The following ATP6V1H variants were observed in gnomAD, a reference collection of about 807,000 sequenced individuals.
ATP6V1H encodes the protein ATPase H+ transporting V1 subunit H, also known as V-type proton ATPase subunit H.
A neutral mutation model predicts 71.7 loss-of-function variants in ATP6V1H; 39 were observed. That is an observed-to-expected ratio of 0.54 (90% CI 0.42 to 0.71). The LOEUF (loss-of-function observed/expected upper bound fraction) is 0.71, where lower values mean the gene tolerates loss of function less well. Ranked by LOEUF, ATP6V1H falls within the 30% of genes least tolerant of loss-of-function variation. The probability of loss-of-function intolerance (pLI) is 0.00; values close to 1 mark genes in which losing one functional copy is unlikely to be tolerated. For synonymous variants in ATP6V1H, 192 were observed against 199.3 expected (o/e 0.96, Z 0.31); for missense variants, 509 against 594.9 (o/e 0.86, Z 1.50).
At chr8:53,781,500 C>G (rs1033506780) in intron 9 of ATP6V1H, among the ~76,000 whole-genome samples, 4 of 152,168 alleles carry the variant, frequency 2.6e-5, no homozygotes, top group African/African-American at 9.7e-5. Context: ...TGCCTGTTCA[C>G]TCTGGTGGTG....
chr8:53,762,597 T>C (rs1808305906), intron 11 of ATP6V1H, among the ~76,000 whole-genome samples: 1 of 151,844 alleles, frequency 6.6e-6, no homozygotes, highest in African/African-American at 2.4e-5. Context: ...CAGCAATTAA[T>C]ATAACATAGT....
intron 3 of ATP6V1H, among the ~76,000 whole-genome samples, chr8:53,831,430 A>G (rs1473065737): frequency 6.6e-6 from 1 of 152,388 alleles, no homozygotes; most frequent in Admixed American, 6.5e-5. Context: ...CAAGACCGCT[A>G]TTACATACAC....
chr8:53,833,076 T>A lies in ATP6V1H; in HGVS notation c.124A>T (p.Ile42Phe). 1 of 1,612,760 alleles carries A rather than the reference T, an allele frequency of 6.2e-7. No homozygotes were observed. Residue 42 changes from isoleucine to phenylalanine, a missense_variant, in exon 3 of 14, where the codon ATT becomes TTT. This residue lies in a region of ATP6V1H where 297 missense variants were observed against 303.3 expected (regional missense o/e 0.98). Coordinates refer to ENST00000359530, the MANE Select transcript of ATP6V1H (RefSeq NM_015941.4). ...NWQSYLQGQM[I>F]SAEDCEFIQR... ...ATAAACTCACAATCTTCAGCAGAAA[T>A]CATCTGTCCCCTAGAAAGTAAGAAT...
intron 11 of ATP6V1H, among the ~76,000 whole-genome samples, chr8:53,765,975 A>C (rs1305219839): frequency 6.6e-6 from 1 of 152,238 alleles, no homozygotes; most frequent in Non-Finnish European, 1.5e-5. Context: ...AGAGCCCAGA[A>C]ATAGACCCAC....
intron 9 of ATP6V1H, among the ~76,000 whole-genome samples, chr8:53,776,737 C>A (rs1417623302): frequency 6.6e-6 from 1 of 152,026 alleles, no homozygotes; most frequent in Non-Finnish European, 1.5e-5. Flanking sequence ...GAAATACCAA[C>A]CCTGAGATGA....
At chr8:53,781,653 C>G (rs1391825235) in intron 9 of ATP6V1H, among the ~76,000 whole-genome samples, 1 of 152,034 alleles carries the variant, frequency 6.6e-6, no homozygotes, top group East Asian at 1.9e-4. Flanking sequence ...AGGTTTTCTT[C>G]TAGGGTTTTT....
At chr8:53,718,757 C>G (rs191556591) in intron 13 of ATP6V1H, among the ~76,000 whole-genome samples, 2 of 152,284 alleles carry the variant, frequency 1.3e-5, no homozygotes, top group African/African-American at 2.4e-5. Context: ...GACCTAAGTA[C>G]GTGACACATA....
At chr8:53,751,261 A>G (rs957226007) in intron 12 of ATP6V1H, among the ~76,000 whole-genome samples, 1 of 152,216 alleles carries the variant, frequency 6.6e-6, no homozygotes, top group Non-Finnish European at 1.5e-5. Flanking sequence ...GAATATCTCA[A>G]ACTCTGGACA....
intron 13 of ATP6V1H, among the ~76,000 whole-genome samples, chr8:53,731,346 C>T (rs559433448): frequency 1.2e-4 from 18 of 152,254 alleles, no homozygotes; most frequent in African/African-American, 4.3e-4. Context: ...GAAGTAAAAG[C>T]TAAAGAAAGG....
Position 53,769,608 on chromosome 8 carries a change from A to T in ATP6V1H, c.1175+10T>A. 1.2e-6 allele frequency: 2 copies of T among 1,609,388 alleles called. No individual in the cohort carries two copies. Among genetic ancestry groups the T allele is most frequent in the Admixed American group, 3.4e-5 (2 of 59,264 alleles). On this transcript the variant is annotated intron_variant, in intron 11 of 13. Transcript: ENST00000359530. Reference sequence around the variant, plus strand: ...GATATTAAGAGTGTAAAGTAGAACAAAAAACTTACTTCAAGAGTTCATAAT... The same window carrying T: ...GATATTAAGAGTGTAAAGTAGAACATAAAACTTACTTCAAGAGTTCATAAT...
Position 53,824,645 on chromosome 8 carries a change from A to T in ATP6V1H, c.306+4799T>A, listed in dbSNP as rs78551155. 9.2e-3 allele frequency among the ~76,000 whole-genome samples: 1,406 copies of T among 152,220 alleles called. 16 individuals carry two copies. Among genetic ancestry groups the T allele is most frequent in the African/African-American group, 0.032 (1,339 of 41,550 alleles). The stretch of plus-strand genomic sequence containing the variant: ...AAAAGTCATTCAATTATCTATGTAG[A>T]TGCCCAGAAAATAACAGCCTTTGAC... On this transcript the variant is annotated intron_variant, in intron 4 of 13. Transcript: ENST00000359530.
chr8:53,798,701 A>G (rs1809820785), intron 8 of ATP6V1H, among the ~76,000 whole-genome samples: 1 of 152,208 alleles, frequency 6.6e-6, no homozygotes, highest in Non-Finnish European at 1.5e-5. Context: ...AAAAATGAAA[A>G]GATTAAATGA....
Position 53,761,789 on chromosome 8 carries a change from G to T in ATP6V1H, c.1176-5133C>A, listed in dbSNP as rs578256802. 2.0e-5 allele frequency among the ~76,000 whole-genome samples: 3 copies of T among 152,238 alleles called. No homozygotes were observed. The South Asian group carries it at 6.2e-4, about 32-fold the overall frequency. On this transcript the variant is annotated intron_variant, in intron 11 of 13. Transcript: ENST00000359530. ...TGGAGTCTAAACAACAGAGATAGGTGGGCCTAAAAATGCTCCATCTGGATG... is the reference window on the plus strand; with the variant it reads ...TGGAGTCTAAACAACAGAGATAGGTTGGCCTAAAAATGCTCCATCTGGATG...
intron 9 of ATP6V1H, among the ~76,000 whole-genome samples, chr8:53,784,472 G>A (rs1003614575): frequency 1.3e-4 from 20 of 152,192 alleles, no homozygotes; most frequent in South Asian, 6.2e-4. Flanking sequence ...GCACACTGAT[G>A]GGTCTTGACT....
intron 11 of ATP6V1H, among the ~76,000 whole-genome samples, chr8:53,766,594 A>T (rs1160255884): frequency 1.3e-5 from 2 of 152,238 alleles, no homozygotes; most frequent in East Asian, 1.9e-4. Flanking sequence ...AATGGGAGAA[A>T]TATCGCTGAA....
At chr8:53,757,316 A>AC (rs1053553016) in intron 11 of ATP6V1H, among the ~76,000 whole-genome samples, 1 of 152,104 alleles carries the variant, frequency 6.6e-6, no homozygotes, top group African/African-American at 2.4e-5. Flanking sequence ...GGCTTCTGCT[A>AC]CCCTCCTCAA....
chr8:53,838,796 A>C (rs1357903371), intron 2 of ATP6V1H, among the ~76,000 whole-genome samples: 1 of 152,228 alleles, frequency 6.6e-6, no homozygotes, highest in Non-Finnish European at 1.5e-5. Context: ...TTAATTTGTG[A>C]AGAACAAAAG....
chr8:53,842,626 C>T (rs1015348911), intron 1 of ATP6V1H: 1 of 152,226 alleles, frequency 6.6e-6, no homozygotes, highest in Non-Finnish European at 1.5e-5. Flanking sequence ...AAAAAACAGG[C>T]TTCAACTGGG....
chr8:53,822,795 G>A (rs1047705260), intron 4 of ATP6V1H, among the ~76,000 whole-genome samples: 1 of 152,030 alleles, frequency 6.6e-6, no homozygotes, highest in East Asian at 1.9e-4. Flanking sequence ...AAAAGGGACA[G>A]GCAAAGATAT....
Sources: gnomAD v4.1 joint callset for allele counts (sites outside exome capture counted in the v4.1 genomes callset) on GRCh38, gnomAD v4.1.1 for gene constraint, gnomAD v4.1.1 regional missense constraint, MANE v1.5 for transcripts, NCBI Gene and HGNC (gene_info 2026-07-23, HGNC 2026-07-21) for gene names.